The following LUC7L variants were observed in gnomAD, a reference collection of about 807,000 sequenced individuals.
LUC7L encodes putative RNA-binding protein Luc7-like 1.
A neutral mutation model predicts 51.1 loss-of-function variants in LUC7L; 29 were observed. The ratio of observed to expected loss-of-function variants is 0.57; its 90% CI spans 0.42 to 0.77. LUC7L has a LOEUF of 0.77. Ranked by LOEUF, LUC7L falls within the 30% of genes least tolerant of loss-of-function variation. The pLI, the probability that LUC7L is intolerant of heterozygous loss-of-function variation, is 0.00. For missense variants in LUC7L, 403 were observed against 511.9 expected (o/e 0.79, Z 2.05); for synonymous variants, 181 against 180.7 (o/e 1.00, Z -0.01).
intron 6 of LUC7L, among the ~76,000 whole-genome samples, chr16:195,378 A>G (rs1461462269): frequency 6.6e-6 from 1 of 152,000 alleles, no homozygotes. Context: ...ATAAGCTATC[A>G]GCTACCATCA....
chr16:192,628 G>C (rs1256077933), intron 7 of LUC7L, among the ~76,000 whole-genome samples: 1 of 149,728 alleles, frequency 6.7e-6, no homozygotes, highest in Non-Finnish European at 1.5e-5. Flanking sequence ...CTCAGCCTCC[G>C]AGTAGCTAGG....
At position 194,959 on chromosome 16, in the gene LUC7L, G is replaced by A. The variant is rs117824851; in HGVS notation, c.688-1944C>T. On this transcript the variant is annotated intron_variant, in intron 6 of 9. Transcript: ENST00000293872. The stretch of plus-strand genomic sequence containing the variant: ...GAGTCTTCTCCATCCAGAGAGCCAC[G>A]ATGGCATAAGGATAATCTTCCATAC... 3.4e-3 allele frequency among the ~76,000 whole-genome samples: 524 copies of A among 152,218 alleles called. 2 individuals are homozygous for A. The highest frequency in any genetic ancestry group is 0.01 in the Middle Eastern group (3 of 294).
At chr16:217,021 T>A (rs1466131722) in intron 3 of LUC7L, among the ~76,000 whole-genome samples, 1 of 148,934 alleles carries the variant, frequency 6.7e-6, no homozygotes, top group African/African-American at 2.5e-5. Context: ...TAAATAGAAT[T>A]TTTTTTTTTG....
Position 192,802 on chromosome 16 carries a change from C to G in LUC7L, c.776+125G>C, listed in dbSNP as rs1567171988. On this transcript the variant is annotated intron_variant, in intron 7 of 9. Coordinates refer to ENST00000293872, the MANE Select transcript of LUC7L (RefSeq NM_201412.3). ...ACAGGCGTGAGCCGCCAGGCCTGGC[C>G]TTACTATTTTCTTTTATAACGGCCT... is the stretch of plus-strand genomic sequence containing the variant. 4 of 857,784 alleles carry G rather than the reference C, an allele frequency of 4.7e-6. No homozygotes were observed. The African/African-American group carries it at 5.0e-5, about 11-fold the overall frequency. 53.1% of individuals were successfully genotyped at this position (857,784 alleles called of 1,614,324 possible).
chr16:221,950 C>T (rs143899901), intron 2 of LUC7L, among the ~76,000 whole-genome samples: 146 of 152,150 alleles, frequency 9.6e-4, no homozygotes, highest in African/African-American at 2.9e-3. Flanking sequence ...CAAATACATG[C>T]TCTACACATT....
In LUC7L at chr16:229,290, G is replaced by A. The variant is rs868785848; in HGVS notation, c.50C>T (p.Thr17Met). 1.9e-6 allele frequency: 3 copies of A among 1,540,820 alleles called. No individual in the cohort carries two copies. The highest frequency in any genetic ancestry group is 2.5e-5 in the East Asian group (1 of 40,562). Residue 17 changes from threonine to methionine, a missense_variant, in exon 1 of 10, where the codon ACG becomes ATG. Thr to Met is a moderately conservative substitution (Grantham distance 81). Transcript: ENST00000293872. ...CCGCTCTGACTCACCGTCCCGAGCC[G>A]TGCCCATGAGCTGGTCCAGCAGGGC... ...MRALLDQLMG[T>M]ARDGDETRQR...
chr16:205,328 T>C (rs931614120), intron 5 of LUC7L, among the ~76,000 whole-genome samples: 1 of 152,190 alleles, frequency 6.6e-6, no homozygotes, highest in Non-Finnish European at 1.5e-5. Context: ...TGCTTAAGTT[T>C]TGACAAATGT....
At chr16:213,628 C>T (rs2049705787) in intron 3 of LUC7L, among the ~76,000 whole-genome samples, 2 of 152,152 alleles carry the variant, frequency 1.3e-5, no homozygotes, top group African/African-American at 4.8e-5. Context: ...TGGTCTCGAA[C>T]TCCTGACCTC....
chr16:189,856 C>T (rs1228253919), intron 9 of LUC7L, 112 bp downstream of exon 9: 1 of 1,496,594 alleles, frequency 6.7e-7, no homozygotes, highest in Non-Finnish European at 8.9e-7. Flanking sequence ...CAGCCCTACT[C>T]CTGAGGGTGA....
At chr16:228,716 C>T in intron 1 of LUC7L, 1 of 1,216,538 alleles carries the variant, frequency 8.2e-7, no homozygotes, top group Non-Finnish European at 1.0e-6. Flanking sequence ...GACTGTCAAG[C>T]GCTGGCTACA....
intron 1 of LUC7L, chr16:227,982 T>C (rs774332602): frequency 9.2e-7 from 1 of 1,088,382 alleles, no homozygotes; most frequent in Non-Finnish European, 1.1e-6. Flanking sequence ...CAACACATAC[T>C]GTACCCATCT....
intron 1 of LUC7L, chr16:227,998 C>G (rs2050173242): frequency 9.0e-7 from 1 of 1,115,562 alleles, no homozygotes; most frequent in Non-Finnish European, 1.1e-6. Flanking sequence ...CATCTGCATT[C>G]TTCAAGACCT....
chr16:208,085 G>T lies in LUC7L; in HGVS notation c.359C>A (p.Ser120Tyr). ...ETQEEISAEVSAKAEKVHELN... is the reference protein window; with the variant it reads ...ETQEEISAEVYAKAEKVHELN... The stretch of plus-strand genomic sequence containing the variant: ...GAAGCCACCCAAGCATACCTTTGCA[G>T]AAACTTCCGCACTGATTTCCTCCTG... The change falls in exon 4 of 10, where the codon TCT becomes TAT. Residue 120 changes from serine to tyrosine, a missense_variant. By Grantham distance (144) the Ser-to-Tyr change is moderately radical. Transcript: ENST00000293872. 6.2e-7 allele frequency: 1 copy of T among 1,608,472 alleles called. No homozygotes were observed. The highest frequency in any genetic ancestry group is 8.5e-7 in the Non-Finnish European group (1 of 1,178,114).
chr16:224,952 G>A (rs1038060170), intron 2 of LUC7L, among the ~76,000 whole-genome samples: 3 of 152,166 alleles, frequency 2.0e-5, no homozygotes, highest in African/African-American at 7.2e-5. Flanking sequence ...ACCCTCTTTG[G>A]ATGTAGCTTT....
chr16:220,606 G>T (rs1177372425), intron 3 of LUC7L, 43 bp downstream of exon 3: 34 of 1,394,348 alleles, frequency 2.4e-5, no homozygotes, highest in Non-Finnish European at 3.3e-5. Flanking sequence ...TTCAATATTG[G>T]GTTCTTCGCA....
chr16:198,442 A>G (rs1051857110), intron 6 of LUC7L, among the ~76,000 whole-genome samples: 1 of 152,096 alleles, frequency 6.6e-6, no homozygotes, highest in African/African-American at 2.4e-5. Context: ...AGGATGTGTG[A>G]CACTCTGTCT....
intron 3 of LUC7L, among the ~76,000 whole-genome samples, chr16:214,473 T>C (rs1357152656): frequency 1.3e-5 from 2 of 152,218 alleles, no homozygotes; most frequent in East Asian, 1.9e-4. Flanking sequence ...CTTGGGCATT[T>C]TTCTTGATCC....
intron 6 of LUC7L, among the ~76,000 whole-genome samples, chr16:194,571 A>G (rs1430770721): frequency 3.3e-5 from 5 of 152,206 alleles, no homozygotes; most frequent in Non-Finnish European, 5.9e-5. Flanking sequence ...ACATCTTGCT[A>G]CTGGGAGCAG....
At position 192,973 on chromosome 16, in the gene LUC7L, A is replaced by T. The variant is rs1343653277; in HGVS notation, c.730T>A (p.Leu244Met). The T allele has an allele frequency of 5.0e-6, 8 of 1,613,354 alleles. No individual in the cohort carries two copies. The highest frequency in any genetic ancestry group is 1.7e-5 in the Admixed American group (1 of 59,986). The change falls in exon 7 of 10, where the codon TTG (leucine) becomes ATG (methionine). Residue 244 changes from leucine to methionine, a missense_variant. Leu to Met is a conservative substitution (Grantham distance 15, BLOSUM62 2). Around this residue, in one of 3 missense-constraint regions of LUC7L, gnomAD observed 206 missense variants for 218.3 expected, o/e 0.94. Transcript: ENST00000293872. ...CGTTCCCTCTCCTCTCTCCTCCTCA[A>T]GCGATCCTGATTTCTCTTCTCCTGC... ...EKQEKRNQDR[L>M]RRREEREREE... is the part of the protein sequence containing the mutation.
Sources: allele counts gnomAD v4.1 joint callset (sites outside exome capture counted in the v4.1 genomes callset), GRCh38; gene constraint gnomAD v4.1.1; regional missense constraint gnomAD v4.1.1; transcripts MANE v1.5; gene names NCBI Gene and HGNC (gene_info 2026-07-23, HGNC 2026-07-21).